Variants in SPATA13 observed in about 807,000 individuals in gnomAD.
The protein encoded by SPATA13 is spermatogenesis associated 13.
Under a neutral mutation model 104.0 loss-of-function variants are expected in SPATA13, and 50 were observed. That is an observed-to-expected ratio of 0.48 (90% CI 0.38 to 0.61). SPATA13 has a LOEUF of 0.61. Among genes scored for constraint, SPATA13 ranks in the 20% least tolerant of loss-of-function variants. SPATA13 has a pLI of 0.00. For synonymous variants in SPATA13, 606 were observed against 667.5 expected (o/e 0.91, Z 1.42); for missense variants, 1,524 against 1,690.6 (o/e 0.90, Z 1.73).
intron 3 of SPATA13, among the ~76,000 whole-genome samples, chr13:24,052,851 C>CCCCCCCCGCCCCCCGCCGCCCCCCCG (rs1199396437): frequency 7.5e-6 from 1 of 132,966 alleles, no homozygotes; most frequent in Non-Finnish European, 1.6e-5. Context: ...GCCACTGTGC[C>CCCCCCCCGCCCCCCGCCGCCCCCCCG]CTGCCCACCA....
chr13:24,074,382 A>G (rs1368777715), intron 3 of SPATA13, among the ~76,000 whole-genome samples: 1 of 152,132 alleles, frequency 6.6e-6, no homozygotes, highest in Non-Finnish European at 1.5e-5. Context: ...TGAATAGACC[A>G]CATTTTTTTT....
chr13:24,021,370 G>A (rs1876965581), intron 3 of SPATA13, among the ~76,000 whole-genome samples: 1 of 152,232 alleles, frequency 6.6e-6, no homozygotes, highest in African/African-American at 2.4e-5. Flanking sequence ...AGTTGCACCT[G>A]TAGTCCCAGC....
chr13:24,074,789 C>T (rs750825957), intron 3 of SPATA13, among the ~76,000 whole-genome samples: 8 of 152,184 alleles, frequency 5.3e-5, no homozygotes, highest in Non-Finnish European at 7.3e-5. Flanking sequence ...TCCTGTTAGC[C>T]AGCCAGAATA....
chr13:24,097,865 G>A (rs1880132689), intron 3 of SPATA13, among the ~76,000 whole-genome samples: 2 of 152,140 alleles, frequency 1.3e-5, no homozygotes, highest in African/African-American at 2.4e-5. Context: ...GAGAAACCGC[G>A]GAGAACAGAA....
chr13:24,265,977 A>G (rs1028917719), intron 4 of SPATA13, among the ~76,000 whole-genome samples: 1 of 152,168 alleles, frequency 6.6e-6, no homozygotes, highest in African/African-American at 2.4e-5. Context: ...CTACCATGTC[A>G]TACTTAAAAT....
At chr13:24,239,294 T>C (rs1872717903) in intron 2 of SPATA13, among the ~76,000 whole-genome samples, 3 of 152,118 alleles carry the variant, frequency 2.0e-5, no homozygotes, top group African/African-American at 7.2e-5. Flanking sequence ...GGTCACTGAT[T>C]TTGAAATACT....
chr13:24,237,058 C>G (rs1033867337), intron 2 of SPATA13, among the ~76,000 whole-genome samples: 5 of 152,098 alleles, frequency 3.3e-5, no homozygotes, highest in Non-Finnish European at 5.9e-5. Flanking sequence ...ATTATTTATG[C>G]CTTAACAAAC....
intron 3 of SPATA13, among the ~76,000 whole-genome samples, chr13:24,083,357 C>T (rs1286390592): frequency 6.6e-6 from 1 of 152,218 alleles, no homozygotes; most frequent in Non-Finnish European, 1.5e-5. Context: ...TTCAACTCTA[C>T]CCCATGGGCA....
intron 1 of SPATA13, among the ~76,000 whole-genome samples, chr13:24,208,229 G>A (rs7323478): frequency 0.68 from 102,800 of 152,132 alleles, 35,002 homozygotes; most frequent in South Asian, 0.83. Flanking sequence ...GAATAGTGAC[G>A]GAACTGGGGA....
chr13:24,201,144 G>A lies in SPATA13; in HGVS notation c.-111-21675G>A, dbSNP rs558406929. 2.6e-5 allele frequency among the ~76,000 whole-genome samples: 4 copies of A among 152,110 alleles called. No individual in the cohort carries two copies. The East Asian group carries it at 7.7e-4, about 29-fold the overall frequency. ...TTATTTGTTCCCTTGCCTTAGTGAG[G>A]TTATCATGCTTATTAGCACAAGGGG... On this transcript the variant is annotated intron_variant, in intron 1 of 12. Coordinates refer to ENST00000382108, the MANE Select transcript of SPATA13 (RefSeq NM_001166271.3).
rs1343267874 is a variant in SPATA13 at position 24,222,964 on chromosome 13, G to T, written c.35G>T (p.Cys12Phe). 2 of 1,551,292 alleles carry T rather than the reference G, an allele frequency of 1.3e-6. No individual in the cohort carries two copies. Among genetic ancestry groups the T allele is most frequent in the Admixed American group, 2.0e-5 (1 of 51,004 alleles). Residue 12 changes from cysteine (C) to phenylalanine (F), a missense_variant, in exon 2 of 13, where the codon TGC becomes TTC. Transcript: ENST00000382108. The part of the protein sequence containing the change: ...TQAAVRPWAP[C>F]LENMTTAPNG... The stretch of plus-strand genomic sequence containing the variant: ...GCTGCCGTGCGGCCCTGGGCACCCT[G>T]CCTGGAGAACATGACCACTGCCCCA...
intron 8 of SPATA13, 87 bp from the exon 9 acceptor site, chr13:24,290,565 C>A: frequency 1.0e-6 from 1 of 973,138 alleles, no homozygotes; most frequent in Non-Finnish European, 1.6e-6. Flanking sequence ...CTAGGAGTGT[C>A]CCTTAGAGAG....
intron 5 of SPATA13, 21 bp downstream of exon 5, chr13:24,284,292 A>T (rs1313986663): frequency 1.2e-6 from 2 of 1,608,570 alleles, no homozygotes; most frequent in Non-Finnish European, 1.7e-6. Context: ...TCCACACGAC[A>T]GTAGTGGATA....
At chr13:24,157,769 G>A (rs776392365), upstream of SPATA13, among the ~76,000 whole-genome samples, 2 of 152,170 alleles carry the variant, frequency 1.3e-5, no homozygotes, top group Non-Finnish European at 2.9e-5. Context: ...ATACAGCATT[G>A]CTTCTCCCCA....
intron 3 of SPATA13, among the ~76,000 whole-genome samples, chr13:24,134,338 A>T (rs1057018589): frequency 6.6e-6 from 1 of 152,158 alleles, no homozygotes; most frequent in Non-Finnish European, 1.5e-5. Flanking sequence ...CTTCCCAGTG[A>T]GTAGTTATCC....
At chr13:24,181,856 T>A (rs1868836268) in intron 1 of SPATA13, among the ~76,000 whole-genome samples, 1 of 148,862 alleles carries the variant, frequency 6.7e-6, no homozygotes, top group Non-Finnish European at 1.5e-5. Context: ...GGCTTACACC[T>A]ATAATCCCAG....
intron 2 of SPATA13, among the ~76,000 whole-genome samples, chr13:24,013,587 C>T (rs2137689006): frequency 6.6e-6 from 1 of 152,252 alleles, no homozygotes; most frequent in Non-Finnish European, 1.5e-5. Context: ...CTTCCAAGAT[C>T]TTATTGATCT....
chr13:24,135,717 AAG>A (rs35620921), intron 3 of SPATA13, among the ~76,000 whole-genome samples: 2,337 of 150,888 alleles, frequency 0.015, 25 homozygotes, highest in East Asian at 0.056. Flanking sequence ...AAAAAAAAAA[AAG>A]AGTATTTTTA....
chr13:24,223,626 G>A lies in SPATA13; in HGVS notation c.697G>A (p.Ala233Thr), dbSNP rs1199841722. The change falls in exon 2 of 13, where the codon GCC (alanine) becomes ACC (threonine). Residue 233 changes from alanine (A) to threonine (T), a missense_variant. Coordinates refer to ENST00000382108, the MANE Select transcript of SPATA13 (RefSeq NM_001166271.3). ...TPTIATGQVP[A>T]VCEILVRDPE... ...CACGATAGCCACTGGCCAGGTGCCCGCCGTGTGTGAGATTCTCGTGAGGGA... is the reference window on the plus strand; with the variant it reads ...CACGATAGCCACTGGCCAGGTGCCCACCGTGTGTGAGATTCTCGTGAGGGA... 6 of 1,551,660 alleles carry A rather than the reference G, an allele frequency of 3.9e-6. No homozygotes were observed. Among genetic ancestry groups the A allele is most frequent in the Admixed American group, 2.0e-5 (1 of 51,000 alleles).
Sources: allele counts gnomAD v4.1 joint callset (sites outside exome capture counted in the v4.1 genomes callset), GRCh38; gene constraint gnomAD v4.1.1; transcripts MANE v1.5; gene names NCBI Gene and HGNC (gene_info 2026-07-23, HGNC 2026-07-21).